The following APP variants were observed in gnomAD, a reference collection of about 807,000 sequenced individuals.
The protein encoded by APP is amyloid beta precursor protein, also known as amyloid-beta precursor protein.
A neutral mutation model predicts 101.4 loss-of-function variants in APP; 31 were observed. The observed-to-expected ratio is 0.31, with a 90% CI of 0.23 to 0.41. APP has a LOEUF of 0.41. Among genes scored for constraint, APP ranks in the 10% least tolerant of loss-of-function variants. APP has a pLI of 1.00. For missense variants in APP, 839 were observed against 1,003.7 expected (o/e 0.84, Z 2.22); for synonymous variants, 366 against 364.4 (o/e 1.00, Z -0.05).
chr21:26,031,525 G>A (rs867726374), intron 5 of APP, among the ~76,000 whole-genome samples: 8 of 152,282 alleles, frequency 5.3e-5, no homozygotes, highest in Middle Eastern at 3.4e-3. Flanking sequence ...GAATCATGGC[G>A]GGAGGTGAAA....
chr21:25,998,629 A>T (rs1450242635), intron 7 of APP, among the ~76,000 whole-genome samples: 1 of 152,142 alleles, frequency 6.6e-6, no homozygotes, highest in East Asian at 1.9e-4. Flanking sequence ...TAGGAATCTC[A>T]GGCAGGAAAT....
intron 15 of APP, among the ~76,000 whole-genome samples, chr21:25,902,735 C>T (rs187104034): frequency 2.3e-4 from 35 of 152,358 alleles, no homozygotes; most frequent in Middle Eastern, 3.4e-3. Flanking sequence ...ACAGAACATT[C>T]TTGTTAGCAC....
At chr21:25,989,323 A>AC (rs1401187985) in intron 8 of APP, among the ~76,000 whole-genome samples, 1 of 152,132 alleles carries the variant, frequency 6.6e-6, no homozygotes, top group Non-Finnish European at 1.5e-5. Context: ...ATTGCGGAGC[A>AC]CTCCATTTCA....
At chr21:26,042,313 T>C (rs535340704) in intron 5 of APP, among the ~76,000 whole-genome samples, 196 of 152,320 alleles carry the variant, frequency 1.3e-3, no homozygotes, top group African/African-American at 4.4e-3. Context: ...TAAATTCTCA[T>C]GACAGCCTGA....
At chr21:26,078,475 A>T (rs949661533) in intron 3 of APP, among the ~76,000 whole-genome samples, 2 of 152,228 alleles carry the variant, frequency 1.3e-5, no homozygotes, top group African/African-American at 4.8e-5. Flanking sequence ...ACATAATGAA[A>T]GCTTGGGTTT....
At chr21:25,885,492 TCTGTCA>T (rs1325179795) in intron 17 of APP, among the ~76,000 whole-genome samples, 6 of 152,204 alleles carry the variant, frequency 3.9e-5, no homozygotes, top group African/African-American at 1.4e-4. Context: ...GGCAGGAACA[TCTGTCA>T]CTTGCTGGGA....
intron 9 of APP, among the ~76,000 whole-genome samples, chr21:25,977,563 T>C (rs949096917): frequency 1.3e-5 from 2 of 152,232 alleles, no homozygotes; most frequent in East Asian, 3.8e-4. Flanking sequence ...CAAATCACCA[T>C]GTGGGTTCCT....
At chr21:26,048,056 C>T (rs905879022) in intron 5 of APP, among the ~76,000 whole-genome samples, 1 of 152,014 alleles carries the variant, frequency 6.6e-6, no homozygotes, top group Non-Finnish European at 1.5e-5. Flanking sequence ...GTGGCTCAAG[C>T]CTGTAATCCC....
At chr21:26,115,815 T>C (rs2062422555) in intron 1 of APP, among the ~76,000 whole-genome samples, 1 of 152,184 alleles carries the variant, frequency 6.6e-6, no homozygotes, top group African/African-American at 2.4e-5. Context: ...AAGATAATTA[T>C]TCCTAATTTT....
intron 13 of APP, among the ~76,000 whole-genome samples, chr21:25,936,168 G>A (rs2040356535): frequency 6.6e-6 from 1 of 152,074 alleles, no homozygotes; most frequent in Non-Finnish European, 1.5e-5. Context: ...AACCCTCAAG[G>A]GACCTTTGGA....
chr21:25,989,050 G>A (rs2042754442), intron 8 of APP, among the ~76,000 whole-genome samples: 1 of 152,176 alleles, frequency 6.6e-6, no homozygotes, highest in Admixed American at 6.5e-5. Flanking sequence ...TGGCGATGCT[G>A]CACCCAACGT....
Position 25,885,542 on chromosome 21 carries a change from C to G in APP, c.2212-3771G>C, listed in dbSNP as rs186045891. 5.5e-3 allele frequency among the ~76,000 whole-genome samples: 843 copies of G among 152,242 alleles called. 34 individuals carry two copies. Among genetic ancestry groups the G allele is most frequent in the Admixed American group, 0.051 (781 of 15,284 alleles). On this transcript the variant is annotated intron_variant, in intron 17 of 17. Transcript: ENST00000346798. ...CACATACATACAACCACTGAATATT[C>G]ATTCTCTTCCCAGACTGCCTGGATT...
Position 26,073,627 on chromosome 21 carries a change from G to C in APP, c.355+16316C>G, listed in dbSNP as rs1401543125. On this transcript the variant is annotated intron_variant, in intron 3 of 17. Coordinates refer to ENST00000346798, the MANE Select transcript of APP (RefSeq NM_000484.4). The stretch of plus-strand genomic sequence containing the variant: ...GTTGAATGACTGGAGTGAGGGATCA[G>C]GGAGCTCTAAAGAAGAGGAAAAATA... Among the ~76,000 whole-genome samples the C allele has an allele frequency of 2.0e-5, 3 of 152,280 alleles. No homozygotes were observed. The East Asian group carries it at 5.8e-4, about 29-fold the overall frequency.
Position 25,997,391 on chromosome 21 carries a change from G to A in APP, c.1059C>T (p.Thr353=). The change falls in exon 8 of 18, where the codon ACC becomes ACT. Residue 353 remains threonine, a synonymous_variant. Transcript: ENST00000346798. ...SAMSQSLLKT[T]QEPLARDPVK... ...CAGGATCTCGGGCAAGAGGTTCCTG[G>A]GTAGTCTTGAGTAAACTTTGGGACA... The A allele has an allele frequency of 6.2e-7, 1 of 1,613,686 alleles. No homozygotes were observed. Among genetic ancestry groups the A allele is most frequent in the East Asian group, 2.2e-5 (1 of 44,862 alleles).
rs1234830931 is a variant in APP at position 25,982,439 on chromosome 21, T to C, written c.1129A>G (p.Lys377Glu). 1 of 1,613,772 alleles carries C rather than the reference T, an allele frequency of 6.2e-7. No homozygotes were observed. The highest frequency in any genetic ancestry group is 1.1e-5 in the South Asian group (1 of 91,056). ...TAASTPDAVD[K>E]YLETPGDENE... is the part of the protein sequence containing the mutation. Reference sequence around the variant, plus strand: ...TCATCCCCAGGTGTCTCGAGATACTTGTCAACGGCATCAGGGGTACTGGCT... The same window carrying C: ...TCATCCCCAGGTGTCTCGAGATACTCGTCAACGGCATCAGGGGTACTGGCT... The change falls in exon 9 of 18, where the codon AAG becomes GAG. Residue 377 changes from lysine to glutamate, a missense_variant. Transcript: ENST00000346798.
chr21:25,997,708 C>G (rs2043111799), intron 7 of APP, among the ~76,000 whole-genome samples: 1 of 152,112 alleles, frequency 6.6e-6, no homozygotes, highest in African/African-American at 2.4e-5. Flanking sequence ...CCCCAATTCC[C>G]TTCGATGCAT....
At chr21:25,981,469 A>G (rs1268884656) in intron 9 of APP, among the ~76,000 whole-genome samples, 1 of 152,218 alleles carries the variant, frequency 6.6e-6, no homozygotes, top group East Asian at 1.9e-4. Flanking sequence ...CAAATCAGAA[A>G]AGTGACTGGA....
rs765160733 is a variant in APP, at chr21:26,016,942, GGCGGGGGGC to G, written c.865+4889_865+4897del. The stretch of plus-strand genomic sequence containing the variant: ...TCCCAGCACTTTGTGGGGGGCGGGG[GGCGGGGGGC>G]GGGGGGTGCCGCCAAGGTGGGCAGA... On this transcript the variant is annotated intron_variant, in intron 6 of 17. Coordinates refer to ENST00000346798, the MANE Select transcript of APP (RefSeq NM_000484.4). Among the ~76,000 whole-genome samples, 59 of 15,332 alleles carry G rather than the reference GGCGGGGGGC, an allele frequency of 3.8e-3. 3 individuals carry two copies. The highest frequency in any genetic ancestry group is 0.011 in the African/African-American group (59 of 5,518). The allele number at this position is 15,332 out of a possible 152,430, so 10.1% of individuals were successfully genotyped here. A position where few individuals can be genotyped will look rare whatever the true frequency, so the allele number is the denominator to read the frequency against.
intron 13 of APP, among the ~76,000 whole-genome samples, chr21:25,931,435 C>T (rs886314134): frequency 6.6e-6 from 1 of 152,186 alleles, no homozygotes; most frequent in African/African-American, 2.4e-5. Context: ...CTGACCTATA[C>T]CATGAGTATG....
Sources: allele counts gnomAD v4.1 joint callset (sites outside exome capture counted in the v4.1 genomes callset), GRCh38; gene constraint gnomAD v4.1.1; transcripts MANE v1.5; gene names NCBI Gene and HGNC (gene_info 2026-07-23, HGNC 2026-07-21).